Variants in MTTP observed in about 807,000 individuals in gnomAD.
The protein encoded by MTTP is microsomal triglyceride transfer protein large subunit.
In MTTP, 49 loss-of-function variants were observed where a neutral mutation model predicts 90.6. The ratio of observed to expected loss-of-function variants is 0.54; its 90% CI spans 0.43 to 0.69. The LOEUF (loss-of-function observed/expected upper bound fraction) is 0.69. Ranked by LOEUF, MTTP falls within the 30% of genes least tolerant of loss-of-function variation. The probability of loss-of-function intolerance (pLI) is 0.00; values close to 1 mark genes in which losing one functional copy is unlikely to be tolerated. For synonymous variants in MTTP, 347 were observed against 384.2 expected (o/e 0.90, Z 1.13); for missense variants, 945 against 1,067.5 (o/e 0.89, Z 1.60).
At chr4:99,583,312 G>A in intron 2 of MTTP, 62 bp from the exon 3 acceptor site, 1 of 1,536,216 alleles carries the variant, frequency 6.5e-7, no homozygotes, top group Non-Finnish European at 8.9e-7. Context: ...TATTTTCAGA[G>A]ATACTCTGAT....
chr4:99,613,023 G>C lies in MTTP; in HGVS notation c.2100G>C (p.Gln700His). Residue 700 changes from glutamine to histidine, a missense_variant, in exon 15 of 18, where the codon CAG becomes CAC. Coordinates refer to ENST00000265517, the MANE Select transcript of MTTP (RefSeq NM_001386140.1). ...TGTCAGCCATCCTCTTTGATGTTCA[G>C]CTCAGACCTGTCACCTTTTTCAACG... ...AGMSAILFDV[Q>H]LRPVTFFNGY... The C allele has an allele frequency of 6.2e-7, 1 of 1,614,080 alleles. No individual in the cohort carries two copies. Among genetic ancestry groups the C allele is most frequent in the Non-Finnish European group, 8.5e-7 (1 of 1,179,956 alleles).
chr4:99,569,625 A>G (rs1321839454), intron 1 of MTTP, among the ~76,000 whole-genome samples: 1 of 151,990 alleles, frequency 6.6e-6, no homozygotes, highest in African/African-American at 2.4e-5. Flanking sequence ...AGAAAATATA[A>G]TGGCAAAAAA....
chr4:99,574,712 C>A, upstream of MTTP: 1 of 1,232,598 alleles, frequency 8.1e-7, no homozygotes, highest in Non-Finnish European at 1.2e-6. Context: ...AGCCCACCTA[C>A]GTTTAATCAT....
rs780504258 is a variant in MTTP at position 99,589,707 on chromosome 4, C to G, written c.458C>G (p.Ala153Gly). The stretch of plus-strand genomic sequence containing the variant: ...ATAGAAAATATCAAGAGAGGTCTGG[C>G]TAGCCTATTTCAGACACAGTTAAGC... ...VAIENIKRGL[A>G]SLFQTQLSSG... Residue 153 changes from alanine to glycine, a missense_variant, in exon 4 of 18, where the codon GCT (alanine) becomes GGT (glycine). Ala to Gly is a moderately conservative substitution (Grantham distance 60, BLOSUM62 0). Coordinates refer to ENST00000265517, the MANE Select transcript of MTTP (RefSeq NM_001386140.1). The G allele has an allele frequency of 1.2e-6, 2 of 1,607,830 alleles. No individual in the cohort carries two copies. The highest frequency in any genetic ancestry group is 1.7e-5 in the Admixed American group (1 of 59,988).
intron 1 of MTTP, among the ~76,000 whole-genome samples, chr4:99,575,316 C>T (rs948735769): frequency 3.3e-5 from 5 of 152,142 alleles, no homozygotes; most frequent in Admixed American, 1.3e-4. Context: ...AATGCAGCTC[C>T]TTCATTTGAA....
At chr4:99,584,739 T>C (rs1002454293) in intron 3 of MTTP, among the ~76,000 whole-genome samples, 19 of 149,576 alleles carry the variant, frequency 1.3e-4, no homozygotes, top group Non-Finnish European at 2.3e-4. Flanking sequence ...AGCTCACTCA[T>C]GACCCTTATC....
chr4:99,598,525 A>G (rs186527446), intron 8 of MTTP, among the ~76,000 whole-genome samples: 22 of 152,262 alleles, frequency 1.4e-4, no homozygotes, highest in Admixed American at 1.2e-3. Context: ...TTATTTATAC[A>G]ATATTGAACC....
At position 99,566,309 on chromosome 4, in the gene MTTP, A is replaced by AAG. The variant is rs1482630974; in HGVS notation, c.-102+2073_-102+2074insGA. The stretch of plus-strand genomic sequence containing the variant: ...GTCTCAAAAAAAAGAAAAAAAAAAA[A>AAG]AAAAAGAAAAATAGGTTTTGAAAAA... On this transcript the variant is annotated intron_variant, in intron 1 of 18. Transcript: ENST00000457717. Among the ~76,000 whole-genome samples, 12 of 151,684 alleles carry AAG rather than the reference A, an allele frequency of 7.9e-5. No homozygotes were observed. In the East Asian group the frequency reaches 1.7e-3, roughly 22 times the overall value.
chr4:99,576,422 G>A (rs558156026), intron 1 of MTTP, among the ~76,000 whole-genome samples: 1 of 152,140 alleles, frequency 6.6e-6, no homozygotes, highest in East Asian at 1.9e-4. Flanking sequence ...AAGGCCGGGC[G>A]TGGTGGCTCA....
chr4:99,611,357 C>A lies in MTTP; in HGVS notation c.1893C>A (p.Tyr631Ter). 1 of 1,614,042 alleles carries A rather than the reference C, an allele frequency of 6.2e-7. No homozygotes were observed. The highest frequency in any genetic ancestry group is 8.5e-7 in the Non-Finnish European group (1 of 1,179,906). The change falls in exon 14 of 18, where the codon TAC becomes TAA. Residue 631 changes from tyrosine (Y) to a stop codon, truncating the protein, a stop_gained. Coordinates refer to ENST00000265517, the MANE Select transcript of MTTP (RefSeq NM_001386140.1). LOFTEE classifies it high-confidence loss of function. Reference sequence around the variant, plus strand: ...GTAGTCCCCGTTCGGCATCTACTTACAGCCTAGACATTCTCTACTCGGGTT... The same window carrying A: ...GTAGTCCCCGTTCGGCATCTACTTAAAGCCTAGACATTCTCTACTCGGGTT... ...IERSPRSAST[Y>*]SLDILYSGSG...
At chr4:99,570,355 A>T (rs1223687320), upstream of MTTP, among the ~76,000 whole-genome samples, 1 of 151,730 alleles carries the variant, frequency 6.6e-6, no homozygotes, top group Non-Finnish European at 1.5e-5. Flanking sequence ...ATTTTCATTG[A>T]TACTGTTAAT....
At chr4:99,614,999 T>C (rs1365935839) in intron 15 of MTTP, among the ~76,000 whole-genome samples, 1 of 152,188 alleles carries the variant, frequency 6.6e-6, no homozygotes, top group Non-Finnish European at 1.5e-5. Flanking sequence ...AATTCCAGTT[T>C]TAATGAAAGA....
chr4:99,568,211 G>A (rs1442242186), intron 1 of MTTP, among the ~76,000 whole-genome samples: 1 of 151,668 alleles, frequency 6.6e-6, no homozygotes, highest in Non-Finnish European at 1.5e-5. Flanking sequence ...AAGGAAGGAA[G>A]AAATAAAACC....
chr4:99,591,415 T>C (rs1054149888), intron 5 of MTTP, 64 bp downstream of exon 5: 50 of 1,298,102 alleles, frequency 3.9e-5, no homozygotes, highest in South Asian at 3.6e-4. Flanking sequence ...ACTAATTTAA[T>C]GTAATAGAAA....
At chr4:99,571,266 T>C (rs561484501), upstream of MTTP, among the ~76,000 whole-genome samples, 1 of 152,118 alleles carries the variant, frequency 6.6e-6, no homozygotes, top group South Asian at 2.1e-4. Context: ...AATTGTTGTA[T>C]CGTATATACT....
chr4:99,573,090 A>G (rs953454849), upstream of MTTP, among the ~76,000 whole-genome samples: 86 of 152,072 alleles, frequency 5.7e-4, no homozygotes, highest in Admixed American at 4.6e-4. Flanking sequence ...TTGACAACGA[A>G]TAGTACTTTA....
At chr4:99,614,111 T>C (rs530542834) in intron 15 of MTTP, among the ~76,000 whole-genome samples, 3 of 152,244 alleles carry the variant, frequency 2.0e-5, no homozygotes, top group Non-Finnish European at 4.4e-5. Flanking sequence ...GATTGACTTG[T>C]AAAGTTTACT....
chr4:99,581,631 C>A (rs561109539), intron 1 of MTTP, among the ~76,000 whole-genome samples: 13 of 151,972 alleles, frequency 8.6e-5, no homozygotes, highest in South Asian at 6.2e-4. Context: ...CAAAAAAAAA[C>A]CCAAAATATC....
intron 15 of MTTP, among the ~76,000 whole-genome samples, chr4:99,614,436 A>C (rs1424323516): frequency 6.6e-6 from 1 of 152,364 alleles, no homozygotes; most frequent in Non-Finnish European, 1.5e-5. Flanking sequence ...TTAATTTTCT[A>C]TCTTTCTTGT....
Sources: allele counts gnomAD v4.1 joint callset (sites outside exome capture counted in the v4.1 genomes callset), GRCh38; gene constraint gnomAD v4.1.1; transcripts MANE v1.5; gene names NCBI Gene and HGNC (gene_info 2026-07-23, HGNC 2026-07-21).